Variants in BUB1 observed in about 807,000 individuals in gnomAD.
The protein encoded by BUB1 is BUB1 mitotic checkpoint serine/threonine kinase, also known as mitotic checkpoint serine/threonine-protein kinase BUB1.
In BUB1, 84 loss-of-function variants were observed where a neutral mutation model predicts 135.2. That is an observed-to-expected ratio of 0.62 (90% CI 0.52 to 0.74). The LOEUF (loss-of-function observed/expected upper bound fraction) is 0.74, where lower values mean the gene tolerates loss of function less well. Ranked by LOEUF, BUB1 falls within the 30% of genes least tolerant of loss-of-function variation. The pLI is 0.00. For synonymous variants in BUB1, 403 were observed against 434.4 expected (o/e 0.93, Z 0.90); for missense variants, 1,162 against 1,288.3 (o/e 0.90, Z 1.50).
chr2:110,659,826 T>A (rs888802583), intron 11 of BUB1, 152 bp downstream of exon 11: 34 of 465,002 alleles, frequency 7.3e-5, no homozygotes, highest in African/African-American at 6.6e-4. Context: ...TTGAAATGGT[T>A]CAGGGATAAA....
At chr2:110,644,478 CA>C (rs57312823) in intron 19 of BUB1, among the ~76,000 whole-genome samples, 463 of 63,162 alleles carry the variant, frequency 7.3e-3, no homozygotes, top group South Asian at 0.011. Flanking sequence ...AACCCCGTCT[CA>C]AAAAAAAAAA....
chr2:110,677,219 C>T (rs1690614302), intron 1 of BUB1, among the ~76,000 whole-genome samples: 1 of 152,154 alleles, frequency 6.6e-6, no homozygotes, highest in African/African-American at 2.4e-5. Flanking sequence ...AATTTGCTGG[C>T]TAGGTTGAAG....
intron 13 of BUB1, 104 bp downstream of exon 13, chr2:110,658,306 G>A: frequency 1.2e-6 from 1 of 868,680 alleles, no homozygotes; most frequent in South Asian, 1.9e-5. Flanking sequence ...GCCTTTATGT[G>A]ACAAGCTAAT....
rs1399138799 is a variant in BUB1 at position 110,655,824 on chromosome 2, T to C, written c.1791A>G (p.Pro597=). The C allele has an allele frequency of 1.9e-6, 3 of 1,613,952 alleles. No individual in the cohort carries two copies. The highest frequency in any genetic ancestry group is 3.3e-5 in the Admixed American group (2 of 59,984). Residue 597 remains proline, a synonymous_variant, in exon 16 of 25, where the codon CCA becomes CCG. Transcript: ENST00000302759. ...NKTLAPSPKS[P]GDFTSAAQLA... is the part of the protein sequence containing the mutation. ...GTTGTGCAGCAGATGTGAAGTCTCC[T>C]GGGCTCTTAGGACTGGGTGCCAGGG...
At chr2:110,653,810 G>A (rs987571652) in intron 16 of BUB1, among the ~76,000 whole-genome samples, 2 of 151,948 alleles carry the variant, frequency 1.3e-5, no homozygotes, top group African/African-American at 4.8e-5. Flanking sequence ...TTGAGGCAAG[G>A]CTGAGCAACA....
chr2:110,677,347 T>C (rs1349985291), intron 1 of BUB1, among the ~76,000 whole-genome samples: 1 of 152,210 alleles, frequency 6.6e-6, no homozygotes, highest in African/African-American at 2.4e-5. Flanking sequence ...AACCTATGAC[T>C]TAATTGTTTT....
chr2:110,672,571 C>G, intron 4 of BUB1, 90 bp downstream of exon 4: 1 of 1,353,352 alleles, frequency 7.4e-7, no homozygotes, highest in Non-Finnish European at 1.0e-6. Flanking sequence ...GAAGGATTTC[C>G]CTGTACAAAT....
intron 19 of BUB1, chr2:110,642,507 A>T (rs996816693): frequency 7.0e-5 from 15 of 214,344 alleles, no homozygotes; most frequent in African/African-American, 3.2e-4. Context: ...ATGTCCACTT[A>T]GCCACTTCTG....
At chr2:110,677,560 G>A (rs1295945576) in intron 1 of BUB1, among the ~76,000 whole-genome samples, 1 of 152,080 alleles carries the variant, frequency 6.6e-6, no homozygotes, top group Non-Finnish European at 1.5e-5. Context: ...ATGGATAGGA[G>A]AGCAACTTTA....
chr2:110,641,835 A>G (rs775012737), intron 20 of BUB1, 32 bp from the exon 21 acceptor site: 4 of 1,590,474 alleles, frequency 2.5e-6, no homozygotes, highest in African/African-American at 2.7e-5. Context: ...TTCATATCCA[A>G]TCTCGTATTC....
intron 10 of BUB1, among the ~76,000 whole-genome samples, chr2:110,660,399 A>G (rs938771381): frequency 1.2e-4 from 19 of 152,142 alleles, no homozygotes; most frequent in Admixed American, 1.3e-4. Context: ...AAACAAAACA[A>G]AAAAATGCTT....
chr2:110,641,620 C>A (rs984541230), intron 21 of BUB1, 22 bp downstream of exon 21: 8 of 1,603,916 alleles, frequency 5.0e-6, no homozygotes, highest in South Asian at 1.1e-5. Flanking sequence ...TTCATGTGCT[C>A]ATCATAAAAA....
intron 15 of BUB1, among the ~76,000 whole-genome samples, chr2:110,656,354 A>G (rs901704147): frequency 6.6e-5 from 10 of 152,090 alleles, no homozygotes; most frequent in Admixed American, 2.6e-4. Flanking sequence ...CAGGGATCCA[A>G]TCCAGGATCC....
intron 1 of BUB1, among the ~76,000 whole-genome samples, 168 bp from the exon 2 acceptor site, chr2:110,674,533 C>T (rs1394956704): frequency 1.3e-5 from 2 of 152,158 alleles, no homozygotes; most frequent in East Asian, 1.9e-4. Flanking sequence ...TCTTAAATAT[C>T]GATCCAAATA....
intron 5 of BUB1, 127 bp downstream of exon 5, chr2:110,670,398 A>G (rs1182989555): frequency 1.9e-5 from 21 of 1,090,624 alleles, no homozygotes; most frequent in Non-Finnish European, 2.6e-5. Flanking sequence ...TTGGCCTCCC[A>G]AAGTGCTGGG....
chr2:110,668,206 A>AT lies in BUB1; in HGVS notation c.568-358dup, dbSNP rs201876239. On this transcript the variant is annotated intron_variant, in intron 6 of 24. Coordinates refer to ENST00000302759, the MANE Select transcript of BUB1 (RefSeq NM_004336.5). ...GGATTGACATTCCCAACTGCTGCTA[A>AT]TTTTTTTTTTAATTAAAATTTTCCT... Among the ~76,000 whole-genome samples the AT allele has an allele frequency of 5.0e-4, 75 of 150,256 alleles. 2 individuals are homozygous for AT. In the East Asian group the frequency reaches 0.011, roughly 22 times the overall value.
Position 110,649,358 on chromosome 2 carries a change from T to A in BUB1, c.2223A>T (p.Pro741=). 6.3e-7 allele frequency: 1 copy of A among 1,591,026 alleles called. No individual in the cohort carries two copies. Among genetic ancestry groups the A allele is most frequent in the Non-Finnish European group, 8.5e-7 (1 of 1,170,412 alleles). The change falls in exon 19 of 25, where the codon CCA becomes CCT. Residue 741 remains proline (P), a synonymous_variant. Coordinates refer to ENST00000302759, the MANE Select transcript of BUB1 (RefSeq NM_004336.5). ...VDAPNFIVGN[P]WDDKLIFKLL... is the part of the protein sequence containing the mutation. ...GTTTGAAAATCAGCTTATCATCCCA[T>A]GGGTTCCCAACAATGAAGTCTTAAA...
intron 4 of BUB1, among the ~76,000 whole-genome samples, 196 bp downstream of exon 4, chr2:110,672,465 T>C (rs1690448365): frequency 1.3e-5 from 2 of 152,228 alleles, no homozygotes; most frequent in Non-Finnish European, 2.9e-5. Flanking sequence ...CAGGAAAAGA[T>C]ACTAGAAGGA....
chr2:110,667,198 G>A (rs547555069), intron 8 of BUB1, among the ~76,000 whole-genome samples: 1 of 152,218 alleles, frequency 6.6e-6, no homozygotes, highest in South Asian at 2.1e-4. Flanking sequence ...GATGACACTG[G>A]TATGGATATC....
Sources: gnomAD v4.1 joint callset for allele counts (sites outside exome capture counted in the v4.1 genomes callset) on GRCh38, gnomAD v4.1.1 for gene constraint, MANE v1.5 for transcripts, NCBI Gene and HGNC (gene_info 2026-07-23, HGNC 2026-07-21) for gene names.